SKAP2: variants seen among roughly 807,000 people sequenced by gnomAD.
SKAP2 encodes src kinase associated phosphoprotein 2, also known as src kinase-associated phosphoprotein 2.
In SKAP2, 28 loss-of-function variants were observed where a neutral mutation model predicts 54.9. That is an observed-to-expected ratio of 0.51 (90% CI 0.38 to 0.70). The LOEUF (loss-of-function observed/expected upper bound fraction) is 0.70. Ranked by LOEUF, SKAP2 falls within the 30% of genes least tolerant of loss-of-function variation. The probability of loss-of-function intolerance (pLI) is 0.00; values close to 1 mark genes in which losing one functional copy is unlikely to be tolerated. For synonymous variants in SKAP2, 137 were observed against 134.3 expected, an observed-to-expected ratio of 1.02 and a Z score of -0.14; for missense variants, 356 against 424.1, an observed-to-expected ratio of 0.84 and a Z score of 1.41.
At chr7:26,844,205 A>C (rs1350559856) in intron 3 of SKAP2, 68 bp from the exon 4 acceptor site, 1 of 896,080 alleles carries the variant, frequency 1.1e-6, no homozygotes, top group Non-Finnish European at 1.8e-6. Flanking sequence ...ATGTTACTTA[A>C]TGTTAATGTT....
At chr7:26,841,561 T>G (rs1246622500) in intron 4 of SKAP2, among the ~76,000 whole-genome samples, 1 of 152,056 alleles carries the variant, frequency 6.6e-6, no homozygotes, top group Non-Finnish European at 1.5e-5. Flanking sequence ...TTATGCTGCT[T>G]TCCTACAGTA....
chr7:26,703,018 C>T (rs1230188607), intron 9 of SKAP2, among the ~76,000 whole-genome samples: 1 of 152,206 alleles, frequency 6.6e-6, no homozygotes, highest in Non-Finnish European at 1.5e-5. Context: ...GTTTCTGATT[C>T]AGTATATTTT....
chr7:26,686,085 C>T (rs760344428), intron 10 of SKAP2, among the ~76,000 whole-genome samples: 8 of 152,150 alleles, frequency 5.3e-5, no homozygotes, highest in Middle Eastern at 3.4e-3. Context: ...TCTTATTACA[C>T]ATTTTTTGTG....
At chr7:26,816,946 T>C (rs1784277354) in intron 4 of SKAP2, among the ~76,000 whole-genome samples, 1 of 152,168 alleles carries the variant, frequency 6.6e-6, no homozygotes, top group African/African-American at 2.4e-5. Flanking sequence ...TGAACCCCTG[T>C]TGTGGGCACA....
Position 26,709,311 on chromosome 7 carries a change from A to G in SKAP2, c.796+16117T>C, listed in dbSNP as rs527330874. ...GTGTAATAGGCAATGTGAAATTGGGAGCAGGACTCATAAGCAGTGGTCTGA... is the reference window on the plus strand; with the variant it reads ...GTGTAATAGGCAATGTGAAATTGGGGGCAGGACTCATAAGCAGTGGTCTGA... On this transcript the variant is annotated intron_variant, in intron 9 of 12. Coordinates refer to ENST00000345317, the MANE Select transcript of SKAP2 (RefSeq NM_003930.5). 1.2e-4 allele frequency among the ~76,000 whole-genome samples: 19 copies of G among 152,280 alleles called. No individual in the cohort carries two copies. The East Asian group carries it at 3.7e-3, about 29-fold the overall frequency.
chr7:26,850,844 C>A (rs1427835791), intron 3 of SKAP2, among the ~76,000 whole-genome samples: 1 of 152,022 alleles, frequency 6.6e-6, no homozygotes, highest in African/African-American at 2.4e-5. Context: ...TGTCAGATCT[C>A]TTCAATAGGG....
chr7:26,861,857 AC>A (rs1785278640), intron 1 of SKAP2, among the ~76,000 whole-genome samples: 1 of 151,796 alleles, frequency 6.6e-6, no homozygotes, highest in South Asian at 2.1e-4. Flanking sequence ...TGGAACACAA[AC>A]AGATACATCT....
At chr7:26,777,053 C>G (rs1783326851) in intron 4 of SKAP2, among the ~76,000 whole-genome samples, 1 of 152,014 alleles carries the variant, frequency 6.6e-6, no homozygotes, top group Admixed American at 6.6e-5. Context: ...CTGGGACTTC[C>G]AGGAGGTCAA....
chr7:26,741,387 T>C (rs1782446710), intron 4 of SKAP2, among the ~76,000 whole-genome samples: 1 of 147,816 alleles, frequency 6.8e-6, no homozygotes. Flanking sequence ...TGTAGTGGTA[T>C]ACGCGCCTGC....
In SKAP2 at chr7:26,864,417, T is replaced by C. The variant is rs754298536; in HGVS notation, c.13A>G (p.Ser5Gly). 2 of 1,609,798 alleles carry C rather than the reference T, an allele frequency of 1.2e-6. No individual in the cohort carries two copies. Among genetic ancestry groups the C allele is most frequent in the Non-Finnish European group, 1.7e-6 (2 of 1,177,934 alleles). Residue 5 changes from serine (S) to glycine (G), a missense_variant, in exon 1 of 13, where the codon AGC becomes GGC. Ser to Gly is a moderately conservative substitution (Grantham distance 56, BLOSUM62 0). Transcript: ENST00000345317. ...AGGGGGTAGGGAGAGGAGGTGCTGC[T>C]GGGGTTGGGCATGTTAGGGAGCGCA... MPNPSSTSSPYPLPE... is the reference protein window; with the variant it reads MPNPGSTSSPYPLPE...
chr7:26,862,131 A>T (rs531148043), intron 1 of SKAP2, among the ~76,000 whole-genome samples: 2 of 152,126 alleles, frequency 1.3e-5, no homozygotes, highest in South Asian at 4.1e-4. Flanking sequence ...TGTTACTCTA[A>T]ATCTAGTCAT....
At chr7:26,680,413 A>T (rs1786466157) in intron 11 of SKAP2, among the ~76,000 whole-genome samples, 1 of 151,666 alleles carries the variant, frequency 6.6e-6, no homozygotes, top group South Asian at 2.1e-4. Context: ...ATGAAATGAA[A>T]ACTAACAAAA....
chr7:26,836,222 C>T (rs1458826366), intron 4 of SKAP2, among the ~76,000 whole-genome samples: 1 of 152,134 alleles, frequency 6.6e-6, no homozygotes, highest in Non-Finnish European at 1.5e-5. Flanking sequence ...AAATGCAAGA[C>T]ATAAAACCAT....
chr7:26,838,327 C>T (rs1249731009), intron 4 of SKAP2, among the ~76,000 whole-genome samples: 4 of 152,080 alleles, frequency 2.6e-5, no homozygotes, highest in African/African-American at 4.8e-5. Context: ...CACCTCTGGT[C>T]GTCACCCATA....
intron 9 of SKAP2, among the ~76,000 whole-genome samples, chr7:26,694,309 T>C (rs1268130562): frequency 6.6e-6 from 1 of 152,146 alleles, no homozygotes; most frequent in East Asian, 1.9e-4. Flanking sequence ...AAGGTTTTCA[T>C]TATGTGGTTT....
chr7:26,726,995 T>C lies in SKAP2; in HGVS notation c.481A>G (p.Lys161Glu). 4.4e-6 allele frequency: 7 copies of C among 1,601,742 alleles called. No individual in the cohort carries two copies. Among genetic ancestry groups the C allele is most frequent in the Non-Finnish European group, 6.0e-6 (7 of 1,174,986 alleles). The change falls in exon 7 of 13, where the codon AAA becomes GAA. Residue 161 changes from lysine to glutamate, a missense_variant. Lys to Glu is a moderately conservative substitution (Grantham distance 56). Transcript: ENST00000345317. The stretch of plus-strand genomic sequence containing the variant: ...TAGCCATCTATTGCAAATTCACCTT[T>C]CTGTTGTTTGTCTGTTGAAGATAAA... ...YYGSDKDKQQKGEFAIDGYSV... is the reference protein window; with the variant it reads ...YYGSDKDKQQEGEFAIDGYSV...
chr7:26,681,054 A>G (rs1309204221), intron 11 of SKAP2, among the ~76,000 whole-genome samples: 4 of 152,246 alleles, frequency 2.6e-5, no homozygotes, highest in Non-Finnish European at 5.9e-5. Flanking sequence ...AGAAAATAAT[A>G]TATTGAATTT....
intron 1 of SKAP2, among the ~76,000 whole-genome samples, chr7:26,855,780 G>A (rs1785149179): frequency 6.6e-6 from 1 of 151,968 alleles, no homozygotes; most frequent in Middle Eastern, 3.4e-3. Flanking sequence ...ATGAAATACT[G>A]TGCAATTTTA....
intron 4 of SKAP2, among the ~76,000 whole-genome samples, chr7:26,809,289 CTG>C (rs777950303): frequency 2.0e-5 from 3 of 152,046 alleles, no homozygotes; most frequent in Non-Finnish European, 4.4e-5. Context: ...TGGCATGTGC[CTG>C]TAATCCCGCA....
Sources: gnomAD v4.1 joint callset for allele counts (sites outside exome capture counted in the v4.1 genomes callset) on GRCh38, gnomAD v4.1.1 for gene constraint, MANE v1.5 for transcripts, NCBI Gene and HGNC (gene_info 2026-07-23, HGNC 2026-07-21) for gene names.